CALB2: variants seen among roughly 807,000 people sequenced by gnomAD.
CALB2 encodes the protein calretinin.
Under a neutral mutation model 45.9 loss-of-function variants are expected in CALB2, and 34 were observed. That is an observed-to-expected ratio of 0.74 (90% CI 0.56 to 0.99). The LOEUF is 0.99. CALB2 is among the 50% of genes least tolerant of loss of function. The pLI is 0.00. For synonymous variants in CALB2, 142 were observed against 129.6 expected, an observed-to-expected ratio of 1.10 and a Z score of -0.65; for missense variants, 344 against 339.3, an observed-to-expected ratio of 1.01 and a Z score of -0.11.
intron 4 of CALB2, among the ~76,000 whole-genome samples, chr16:71,378,577 C>A (rs981188560): frequency 1.3e-5 from 2 of 152,086 alleles, no homozygotes; most frequent in African/African-American, 4.8e-5. Flanking sequence ...TAGACAGACT[C>A]CCTGATCCAG....
intron 10 of CALB2, 55 bp downstream of exon 10, chr16:71,385,703 C>T: frequency 6.8e-7 from 1 of 1,463,114 alleles, no homozygotes; most frequent in Non-Finnish European, 9.5e-7. Flanking sequence ...GGAGAGGCTT[C>T]TGCAGGAGAG....
At chr16:71,385,158 C>A (rs1278139262) in intron 9 of CALB2, among the ~76,000 whole-genome samples, 1 of 152,086 alleles carries the variant, frequency 6.6e-6, no homozygotes, top group African/African-American at 2.4e-5. Context: ...ACAATTCTGC[C>A]CAGGGCCAAG....
chr16:71,379,827 AT>A (rs1018304291), intron 4 of CALB2, among the ~76,000 whole-genome samples: 3 of 152,182 alleles, frequency 2.0e-5, no homozygotes, highest in African/African-American at 7.2e-5. Flanking sequence ...TGGAACAGTC[AT>A]TTTTTAAGTG....
chr16:71,369,175 G>A (rs902035898), intron 1 of CALB2, among the ~76,000 whole-genome samples: 9 of 152,164 alleles, frequency 5.9e-5, no homozygotes, highest in Admixed American at 2.0e-4. Context: ...GGCAGTGTCC[G>A]CCGGCATGTT....
At chr16:71,362,446 A>G (rs1270346647) in intron 1 of CALB2, among the ~76,000 whole-genome samples, 3 of 152,224 alleles carry the variant, frequency 2.0e-5, no homozygotes, top group African/African-American at 7.2e-5. Context: ...GCCTACATAG[A>G]TATACTCGTA....
intron 1 of CALB2, among the ~76,000 whole-genome samples, chr16:71,365,028 C>G (rs1267392293): frequency 5.9e-5 from 9 of 152,282 alleles, no homozygotes; most frequent in African/African-American, 2.2e-4. Context: ...AAGTGGAAAG[C>G]TTTTTGGGAA....
rs185711725 is a variant in CALB2 at position 71,366,441 on chromosome 16, G to A, written c.95-5712G>A. On this transcript the variant is annotated intron_variant, in intron 1 of 10. Coordinates refer to ENST00000302628, the MANE Select transcript of CALB2 (RefSeq NM_001740.5). ...CGCCTCCTGGGTTCAAGCAATTCTCGTGCCTCAGCCTCCCAAGTAGCTGGG... is the reference window on the plus strand; with the variant it reads ...CGCCTCCTGGGTTCAAGCAATTCTCATGCCTCAGCCTCCCAAGTAGCTGGG... 1.6e-3 allele frequency among the ~76,000 whole-genome samples: 232 copies of A among 143,594 alleles called. 1 individual carries two copies. The highest frequency in any genetic ancestry group is 8.3e-3 in the Middle Eastern group (2 of 240). The allele number at this position is 143,594 out of a possible 152,430, so 94.2% of individuals were successfully genotyped here. A position where few individuals can be genotyped will look rare whatever the true frequency, so the allele number is the denominator to read the frequency against.
intron 4 of CALB2, among the ~76,000 whole-genome samples, chr16:71,380,451 G>A (rs1442052664): frequency 7.8e-6 from 1 of 128,704 alleles, no homozygotes; most frequent in Non-Finnish European, 1.7e-5. Flanking sequence ...TCGGATTACA[G>A]GCAGGCACCA....
chr16:71,377,960 G>A (rs146405598), intron 4 of CALB2, among the ~76,000 whole-genome samples: 16 of 152,330 alleles, frequency 1.1e-4, no homozygotes, highest in African/African-American at 2.9e-4. Context: ...GGTGGCTCAC[G>A]CCTTGTAACC....
intron 4 of CALB2, among the ~76,000 whole-genome samples, chr16:71,379,233 TG>T (rs2042455368): frequency 1.3e-5 from 2 of 151,628 alleles, no homozygotes; most frequent in Admixed American, 6.6e-5. Flanking sequence ...GCCAAGATCG[TG>T]CCACTGCACT....
chr16:71,364,970 G>A (rs1486166477), intron 1 of CALB2, among the ~76,000 whole-genome samples: 1 of 152,180 alleles, frequency 6.6e-6, no homozygotes, highest in Non-Finnish European at 1.5e-5. Flanking sequence ...CTAAGATGGG[G>A]TTGATAACTG....
chr16:71,383,701 GGA>G (rs1053209920), intron 6 of CALB2, among the ~76,000 whole-genome samples: 1 of 152,176 alleles, frequency 6.6e-6, no homozygotes, highest in African/African-American at 2.4e-5. Flanking sequence ...GGATGATCTT[GGA>G]GAGAGTGGGC....
chr16:71,388,865 T>A (rs974116429), intron 10 of CALB2, among the ~76,000 whole-genome samples: 1 of 150,000 alleles, frequency 6.7e-6, no homozygotes, highest in Admixed American at 6.6e-5. Flanking sequence ...TAGTGACAGG[T>A]GCCTGTAATC....
chr16:71,380,101 A>T (rs1410265398), intron 4 of CALB2, among the ~76,000 whole-genome samples: 1 of 151,884 alleles, frequency 6.6e-6, no homozygotes, highest in African/African-American at 2.4e-5. Flanking sequence ...AGACAGCCAA[A>T]AATTGGCCTC....
chr16:71,363,922 G>T (rs2144951074), intron 1 of CALB2, among the ~76,000 whole-genome samples: 1 of 152,286 alleles, frequency 6.6e-6, no homozygotes, highest in East Asian at 1.9e-4. Flanking sequence ...TGAACCTCTG[G>T]GGGTCTGTAT....
At chr16:71,359,266 C>T (rs1414366645) in intron 1 of CALB2, among the ~76,000 whole-genome samples, 1 of 152,208 alleles carries the variant, frequency 6.6e-6, no homozygotes, top group African/African-American at 2.4e-5. Context: ...CTTTCCTCCT[C>T]TTCCCCTTTT....
intron 10 of CALB2, among the ~76,000 whole-genome samples, chr16:71,389,102 C>T (rs1286589359): frequency 2.9e-5 from 4 of 137,288 alleles, no homozygotes; most frequent in African/African-American, 8.2e-5. Context: ...GCAGGAGAAT[C>T]GCTTGAACCC....
At chr16:71,379,814 G>A (rs1336925035) in intron 4 of CALB2, among the ~76,000 whole-genome samples, 1 of 152,180 alleles carries the variant, frequency 6.6e-6, no homozygotes, top group South Asian at 2.1e-4. Context: ...CCAGTTCTCA[G>A]GGTGGAACAG....
At chr16:71,370,723 CCT>C (rs780601036) in intron 1 of CALB2, among the ~76,000 whole-genome samples, 1 of 152,012 alleles carries the variant, frequency 6.6e-6, no homozygotes, top group Non-Finnish European at 1.5e-5. Flanking sequence ...ACAGCAAGAC[CCT>C]GTCTCAAAAA....
Sources: allele counts gnomAD v4.1 joint callset (sites outside exome capture counted in the v4.1 genomes callset), GRCh38; gene constraint gnomAD v4.1.1; transcripts MANE v1.5; gene names NCBI Gene and HGNC (gene_info 2026-07-23, HGNC 2026-07-21).